The following DYNC2I1 variants were observed in gnomAD, a reference collection of about 807,000 sequenced individuals.
DYNC2I1 encodes dynein 2 intermediate chain 1.
A neutral mutation model predicts 133.4 loss-of-function variants in DYNC2I1; 89 were observed. The observed-to-expected ratio is 0.67, with a 90% confidence interval of 0.56 to 0.80. The LOEUF is 0.80. DYNC2I1 is among the 30% of genes least tolerant of loss of function. DYNC2I1 has a pLI of 0.00. For synonymous variants in DYNC2I1, 504 were observed against 484.3 expected (o/e 1.04, Z -0.54); for missense variants, 1,291 against 1,314.5 (o/e 0.98, Z 0.28).
chr7:158,847,417 T>C, the DYNC2I1 span, among the ~76,000 whole-genome samples: 8 of 152,110 alleles, frequency 5.3e-5, no homozygotes, highest in Admixed American at 4.6e-4. Flanking sequence ...GAAAAAATTA[T>C]ATAGATTAAA....
intron 4 of DYNC2I1, among the ~76,000 whole-genome samples, chr7:158,953,837 G>GGCATATATGTTATATATAT (rs1355929838): frequency 6.6e-6 from 1 of 151,750 alleles, no homozygotes; most frequent in Non-Finnish European, 1.5e-5. Flanking sequence ...GGTGGTGAAT[G>GGCATATATGTTATATATAT]GCATATATGT....
intron 4 of DYNC2I1, among the ~76,000 whole-genome samples, chr7:158,953,054 C>T (rs561003739): frequency 6.6e-6 from 1 of 152,338 alleles, no homozygotes; most frequent in East Asian, 1.9e-4. Context: ...GCTAACAGGA[C>T]AGGGCGCCCT....
chr7:158,942,940 G>T (rs913529813), intron 24 of DYNC2I1, among the ~76,000 whole-genome samples: 4 of 152,182 alleles, frequency 2.6e-5, no homozygotes. Context: ...AAGTGTTCAC[G>T]AAAGCTTTCG....
At chr7:158,952,217 G>T (rs905313882) in intron 4 of DYNC2I1, among the ~76,000 whole-genome samples, 1 of 152,212 alleles carries the variant, frequency 6.6e-6, no homozygotes, top group East Asian at 1.9e-4. Context: ...TGTTGTGGGG[G>T]ATGGGAATCC....
At chr7:158,859,499 A>G (rs1477142179) in intron 1 of DYNC2I1, among the ~76,000 whole-genome samples, 2 of 152,006 alleles carry the variant, frequency 1.3e-5, no homozygotes, top group Non-Finnish European at 2.9e-5. Context: ...TACATATTTA[A>G]TACATAAAAT....
At chr7:158,868,472 CG>C (rs1842605094) in intron 1 of DYNC2I1, among the ~76,000 whole-genome samples, 1 of 152,250 alleles carries the variant, frequency 6.6e-6, no homozygotes, top group Non-Finnish European at 1.5e-5. Context: ...CAAACACTTT[CG>C]CAGTAGAAAC....
chr7:158,899,182 TAAATGCTATGTA>T (rs1420385041), intron 8 of DYNC2I1, among the ~76,000 whole-genome samples: 1 of 152,190 alleles, frequency 6.6e-6, no homozygotes, highest in East Asian at 1.9e-4. Context: ...TAATACAATG[TAAATGCTATGTA>T]AATAGTTGTT....
intron 14 of DYNC2I1, among the ~76,000 whole-genome samples, chr7:158,915,466 C>T (rs866374847): frequency 0.016 from 1,407 of 85,362 alleles, no homozygotes; most frequent in African/African-American, 0.033. Context: ...AACGTCGACA[C>T]GCTGGTTGAC....
At chr7:158,890,923 G>A (rs1360908459) in intron 7 of DYNC2I1, among the ~76,000 whole-genome samples, 2 of 152,170 alleles carry the variant, frequency 1.3e-5, no homozygotes, top group Non-Finnish European at 2.9e-5. Flanking sequence ...ATTGACAAAG[G>A]TGACATTTGC....
chr7:158,904,863 C>G (rs894054544), intron 10 of DYNC2I1: 28 of 232,708 alleles, frequency 1.2e-4, no homozygotes, highest in Admixed American at 1.6e-4. Context: ...CATTGCTGGC[C>G]GTAAAGCTTT....
At chr7:158,899,480 A>G (rs545965963) in intron 8 of DYNC2I1, among the ~76,000 whole-genome samples, 3 of 152,294 alleles carry the variant, frequency 2.0e-5, no homozygotes, top group African/African-American at 2.4e-5. Context: ...TTCTTCTTCC[A>G]TCTTTTCTTT....
At chr7:158,867,191 CAGGGTTGTGGGGTTGT>C (rs1430119817) in intron 1 of DYNC2I1, among the ~76,000 whole-genome samples, 3 of 151,880 alleles carry the variant, frequency 2.0e-5, no homozygotes, top group Admixed American at 6.6e-5. Context: ...TCTGTTGTAC[CAGGGTTGTGGGGTTGT>C]AGGGTTGTGG....
chr7:158,936,502 A>C (rs1239004635), intron 23 of DYNC2I1, among the ~76,000 whole-genome samples: 2 of 152,192 alleles, frequency 1.3e-5, no homozygotes, highest in East Asian at 3.8e-4. Context: ...TGTGAAAGTA[A>C]AATTGAGGTG....
intron 8 of DYNC2I1, among the ~76,000 whole-genome samples, chr7:158,898,844 CT>C (rs1245784682): frequency 6.0e-5 from 9 of 149,498 alleles, no homozygotes; most frequent in African/African-American, 2.2e-4. Flanking sequence ...ATTTTCTCTC[CT>C]TTCTTAGCAT....
At position 158,876,670 on chromosome 7, in the gene DYNC2I1, A is replaced by C; in HGVS notation, c.552A>C (p.Glu184Asp). The part of the protein sequence containing the change: ...EDSERGDEDR[E>D]RRYRERKLQY... Reference sequence around the variant, plus strand: ...CTGAAAGAGGAGATGAAGATAGAGAAAGAAGATACCGAGAAAGAAAGGTAT... The same window carrying C: ...CTGAAAGAGGAGATGAAGATAGAGACAGAAGATACCGAGAAAGAAAGGTAT... Residue 184 changes from glutamate to aspartate, a missense_variant, in exon 4 of 25, where the codon GAA (glutamate) becomes GAC (aspartate). Physicochemically the swap from Glu to Asp is conservative, Grantham distance 45. Coordinates refer to ENST00000407559, the MANE Select transcript of DYNC2I1 (RefSeq NM_018051.5). 6.3e-7 allele frequency: 1 copy of C among 1,575,090 alleles called. No homozygotes were observed. Among genetic ancestry groups the C allele is most frequent in the Non-Finnish European group, 8.6e-7 (1 of 1,168,024 alleles).
chr7:158,905,735 A>G (rs1012447956), intron 10 of DYNC2I1, among the ~76,000 whole-genome samples: 3 of 152,192 alleles, frequency 2.0e-5, no homozygotes, highest in African/African-American at 7.2e-5. Context: ...ATTCTTAAGT[A>G]TTTCTAAAAC....
chr7:158,865,182 T>C (rs1842298258), intron 1 of DYNC2I1, among the ~76,000 whole-genome samples: 1 of 152,222 alleles, frequency 6.6e-6, no homozygotes, highest in African/African-American at 2.4e-5. Context: ...CCTCTGATGG[T>C]GCACCTTGGA....
At chr7:158,864,751 C>T (rs537975305) in intron 1 of DYNC2I1, among the ~76,000 whole-genome samples, 1 of 152,264 alleles carries the variant, frequency 6.6e-6, no homozygotes, top group South Asian at 2.1e-4. Flanking sequence ...AGTAATCTTC[C>T]TACCTCAGCC....
the DYNC2I1 span, among the ~76,000 whole-genome samples, chr7:158,849,342 GA>G: frequency 6.6e-6 from 1 of 152,234 alleles, no homozygotes; most frequent in East Asian, 1.9e-4. Context: ...TCCCTATCTA[GA>G]ACTATCAAAC....
Sources: gnomAD v4.1 joint callset for allele counts (sites outside exome capture counted in the v4.1 genomes callset) on GRCh38, gnomAD v4.1.1 for gene constraint, MANE v1.5 for transcripts, NCBI Gene and HGNC (gene_info 2026-07-23, HGNC 2026-07-21) for gene names.